The following PHLPP1 variants were observed in gnomAD, a reference collection of about 807,000 sequenced individuals.
PHLPP1 encodes the protein PH domain and leucine rich repeat protein phosphatase 1.
Under a neutral mutation model 117.2 loss-of-function variants are expected in PHLPP1, and 42 were observed. The ratio of observed to expected loss-of-function variants is 0.36; its 90% confidence interval spans 0.28 to 0.46. PHLPP1 has a LOEUF of 0.46. Among genes scored for constraint, PHLPP1 ranks in the 20% least tolerant of loss-of-function variants. PHLPP1 has a pLI of 1.00. For synonymous variants in PHLPP1, 1,042 were observed against 970.7 expected (o/e 1.07, Z -1.37); for missense variants, 2,084 against 2,241.9 (o/e 0.93, Z 1.42).
At chr18:62,737,487 A>C (rs1911403743) in intron 1 of PHLPP1, among the ~76,000 whole-genome samples, 1 of 152,212 alleles carries the variant, frequency 6.6e-6, no homozygotes, top group African/African-American at 2.4e-5. Flanking sequence ...AAACTTGAAG[A>C]CTGCCTTAGT....
At chr18:62,780,635 C>T (rs915679448) in intron 1 of PHLPP1, among the ~76,000 whole-genome samples, 1 of 152,186 alleles carries the variant, frequency 6.6e-6, no homozygotes, top group Non-Finnish European at 1.5e-5. Context: ...TGCTCCCCAC[C>T]CTGAGTTTCT....
chr18:62,841,309 A>C (rs1599076728), intron 3 of PHLPP1, among the ~76,000 whole-genome samples: 2 of 137,534 alleles, frequency 1.5e-5, no homozygotes, highest in Admixed American at 7.2e-5. Flanking sequence ...ACAGTTTTTC[A>C]CTTTTCTGTT....
chr18:62,763,514 G>A (rs1256860492), intron 1 of PHLPP1, among the ~76,000 whole-genome samples: 2 of 152,144 alleles, frequency 1.3e-5, no homozygotes, highest in Admixed American at 1.3e-4. Context: ...TTTGCAGCCT[G>A]TACTGAACTG....
intron 1 of PHLPP1, among the ~76,000 whole-genome samples, chr18:62,772,919 T>A (rs1912836419): frequency 6.6e-6 from 1 of 151,224 alleles, no homozygotes; most frequent in African/African-American, 2.5e-5. Context: ...ACAATCCTTA[T>A]ATATAGTTAG....
chr18:62,812,248 T>G (rs1391651610), intron 1 of PHLPP1, among the ~76,000 whole-genome samples: 1 of 152,082 alleles, frequency 6.6e-6, no homozygotes, highest in Non-Finnish European at 1.5e-5. Flanking sequence ...TCATTCATGC[T>G]TGGCTTTCGA....
At chr18:62,748,117 A>G (rs190833994) in intron 1 of PHLPP1, among the ~76,000 whole-genome samples, 28 of 150,892 alleles carry the variant, frequency 1.9e-4, no homozygotes, top group Admixed American at 6.5e-4. Context: ...TTACTACTCA[A>G]CTATTCACAG....
chr18:62,827,374 A>G (rs1914639091), intron 1 of PHLPP1, among the ~76,000 whole-genome samples: 1 of 152,130 alleles, frequency 6.6e-6, no homozygotes, highest in African/African-American at 2.4e-5. Flanking sequence ...ATTAGAGAAT[A>G]GGGCAACTGG....
At chr18:62,830,779 G>T (rs1914737538) in intron 2 of PHLPP1, among the ~76,000 whole-genome samples, 1 of 152,158 alleles carries the variant, frequency 6.6e-6, no homozygotes, top group Non-Finnish European at 1.5e-5. Context: ...AAAATAGGTA[G>T]AATTTTATTG....
In PHLPP1 at chr18:62,760,308, C is replaced by T. The variant is rs116661465; in HGVS notation, c.1576+43049C>T. Among the ~76,000 whole-genome samples the T allele has an allele frequency of 5.9e-5, 9 of 152,276 alleles. No homozygotes were observed. The East Asian group carries it at 7.7e-4, about 13-fold the overall frequency. On this transcript the variant is annotated intron_variant, in intron 1 of 16. Transcript: ENST00000262719. The stretch of plus-strand genomic sequence containing the variant: ...ACACATGGTCTCCTGTTCCCAGTCC[C>T]GTTGAATTCCCTTCATTTTATATTA...
chr18:62,978,755 C>T lies in PHLPP1; in HGVS notation c.4478C>T (p.Thr1493Ile), dbSNP rs1283012553. The T allele has an allele frequency of 6.2e-7, 1 of 1,613,338 alleles. No individual in the cohort carries two copies. The highest frequency in any genetic ancestry group is 8.5e-7 in the Non-Finnish European group (1 of 1,179,798). Residue 1493 changes from threonine to isoleucine, a missense_variant, in exon 17 of 17, where the codon ACA (threonine) becomes ATA (isoleucine). Transcript: ENST00000262719. This position sits in a 1 kb window ranked among gnomAD's most constrained non-coding sequence, Gnocchi z 7.0. ...TSEMSSEVGS[T>I]ASDEPPPGAL... The stretch of plus-strand genomic sequence containing the variant: ...GAGATGAGCAGCGAGGTGGGGTCAA[C>T]AGCCTCCGATGAGCCCCCGCCCGGA...
At chr18:62,726,407 A>C (rs1006654739) in intron 1 of PHLPP1, among the ~76,000 whole-genome samples, 1 of 151,688 alleles carries the variant, frequency 6.6e-6, no homozygotes, top group African/African-American at 2.4e-5. Context: ...TTGTTTACTA[A>C]GTCACTTATA....
In PHLPP1 at chr18:62,786,328, G is replaced by T. The variant is rs150039977; in HGVS notation, c.1577-43707G>T. On this transcript the variant is annotated intron_variant, in intron 1 of 16. Transcript: ENST00000262719. ...CTTTATGAATGGAACCATCAAGTTG[G>T]TTATCATTTATTATTATCACCATCT... is the stretch of plus-strand genomic sequence containing the variant. 1.6e-3 allele frequency among the ~76,000 whole-genome samples: 244 copies of T among 152,232 alleles called. 1 individual carries two copies. Among genetic ancestry groups the T allele is most frequent in the Middle Eastern group, 6.8e-3 (2 of 294 alleles).
At chr18:62,808,311 A>G (rs1914009971) in intron 1 of PHLPP1, among the ~76,000 whole-genome samples, 1 of 152,164 alleles carries the variant, frequency 6.6e-6, no homozygotes, top group African/African-American at 2.4e-5. Flanking sequence ...GGCTGGAGAT[A>G]GAAATTGGGA....
At chr18:62,736,617 C>A (rs191929571) in intron 1 of PHLPP1, among the ~76,000 whole-genome samples, 2 of 152,156 alleles carry the variant, frequency 1.3e-5, no homozygotes, top group East Asian at 3.9e-4. Context: ...TAGGAGTTGG[C>A]GACATAATGA....
intron 1 of PHLPP1, among the ~76,000 whole-genome samples, chr18:62,804,362 G>A (rs765071652): frequency 6.6e-6 from 1 of 151,040 alleles, no homozygotes; most frequent in Non-Finnish European, 1.5e-5. Flanking sequence ...GGGTGTATGT[G>A]TAGGGGGAAG....
intron 2 of PHLPP1, among the ~76,000 whole-genome samples, chr18:62,833,671 A>G (rs574518708): frequency 4.6e-5 from 7 of 152,286 alleles, no homozygotes; most frequent in African/African-American, 1.7e-4. Context: ...AATTGAATTT[A>G]TTCACCTAAT....
At chr18:62,969,763 C>G (rs544682530) in intron 14 of PHLPP1, among the ~76,000 whole-genome samples, 3 of 152,138 alleles carry the variant, frequency 2.0e-5, no homozygotes, top group East Asian at 1.9e-4. Flanking sequence ...TATACTTTGT[C>G]TGATATTAAC....
chr18:62,899,723 G>A (rs904229227), intron 6 of PHLPP1, among the ~76,000 whole-genome samples: 1 of 152,204 alleles, frequency 6.6e-6, no homozygotes, highest in African/African-American at 2.4e-5. Context: ...AGGCTGGAGT[G>A]CAGCGGTACA....
At position 62,830,029 on chromosome 18, in the gene PHLPP1, T is replaced by C. The variant is rs368316175; in HGVS notation, c.1577-6T>C. On this transcript the variant is annotated splice_region_variant and splice_polypyrimidine_tract_variant and intron_variant, in intron 1 of 16. Transcript: ENST00000262719. ...AGAATAACATGTTTGCTTCTGTTTA[T>C]TTCAGGAAAACCTCACAGCACGGGT... The C allele has an allele frequency of 3.1e-6, 5 of 1,596,596 alleles. No individual in the cohort carries two copies. The highest frequency in any genetic ancestry group is 3.4e-6 in the Non-Finnish European group (4 of 1,168,830).
Sources: gnomAD v4.1 joint callset for allele counts (sites outside exome capture counted in the v4.1 genomes callset) on GRCh38, gnomAD v4.1.1 for gene constraint, Gnocchi (gnomAD v3.1) non-coding constraint, MANE v1.5 for transcripts, NCBI Gene and HGNC (gene_info 2026-07-23, HGNC 2026-07-21) for gene names.